Variants in LRRN3 observed in about 807,000 individuals in gnomAD.
LRRN3 encodes leucine-rich repeat neuronal protein 3.
LRRN3 carries 15 observed loss-of-function variants against 40.1 expected under a neutral mutation model. That is an observed-to-expected ratio of 0.37 (90% CI 0.25 to 0.58). The LOEUF (loss-of-function observed/expected upper bound fraction) is 0.58, where lower values mean the gene tolerates loss of function less well. LRRN3 is among the 20% of genes least tolerant of loss of function. The probability of loss-of-function intolerance (pLI) is 0.72; values close to 1 mark genes in which losing one functional copy is unlikely to be tolerated. For synonymous variants in LRRN3, 308 were observed against 297.2 expected (o/e 1.04, Z -0.37); for missense variants, 746 against 837.7 (o/e 0.89, Z 1.35).
intron 2 of LRRN3, among the ~76,000 whole-genome samples, chr7:111,102,816 G>A (rs1375628274): frequency 6.6e-6 from 1 of 151,162 alleles, no homozygotes; most frequent in East Asian, 1.9e-4. Flanking sequence ...TCTTTGCTAG[G>A]GTCATAAAAG....
intron 2 of LRRN3, among the ~76,000 whole-genome samples, chr7:111,101,296 T>C (rs139778488): frequency 1.0e-3 from 151 of 151,586 alleles, no homozygotes; most frequent in African/African-American, 3.5e-3. Context: ...TCCCTAGTCA[T>C]TGAACAGAAC....
chr7:111,096,508 T>A (rs200832404), intron 1 of LRRN3, among the ~76,000 whole-genome samples: 33 of 144,800 alleles, frequency 2.3e-4, no homozygotes, highest in Non-Finnish European at 3.5e-4. Context: ...GAGTTAAATT[T>A]AAAAAAAAAA....
chr7:111,123,750 C>T lies in LRRN3; in HGVS notation c.978C>T (p.His326=). The T allele has an allele frequency of 6.2e-7, 1 of 1,613,860 alleles. No individual in the cohort carries two copies. Among genetic ancestry groups the T allele is most frequent in the Non-Finnish European group, 8.5e-7 (1 of 1,179,926 alleles). The change falls in exon 3 of 3, where the codon CAC becomes CAT. Residue 326 remains histidine (H), a synonymous_variant. Transcript: ENST00000308478. The surrounding 1 kb of genome is among the most constrained non-coding windows in gnomAD (Gnocchi z 6.4). Reference sequence around the variant, plus strand: ...ACAACCCTAGATTGTCTTACATTCACCCCAATGCATTTTTCAGACTCCCCA... The same window carrying T: ...ACAACCCTAGATTGTCTTACATTCATCCCAATGCATTTTTCAGACTCCCCA... ...ATNNPRLSYI[H]PNAFFRLPKL... is the part of the protein sequence containing the mutation.
intron 2 of LRRN3, among the ~76,000 whole-genome samples, chr7:111,115,805 C>A (rs117821499): frequency 0.01 from 1,573 of 151,988 alleles, 16 homozygotes; most frequent in Non-Finnish European, 0.018. Context: ...GTAGCTGGGA[C>A]TAGAGATGTG....
chr7:111,091,423 T>C lies in LRRN3; in HGVS notation c.-522T>C, dbSNP rs1326749325. ...TTTATACCGGGCAAGAACACAACCA[T>C]GTGATTATCTCAACCAAGGAACTGA... On this transcript the variant is annotated 5_prime_UTR_variant, in exon 1 of 3. It removes an upstream start codon present in the reference 5' UTR. Coordinates refer to ENST00000308478, the MANE Select transcript of LRRN3 (RefSeq NM_001099658.2). The C allele has an allele frequency of 6.6e-6, 1 of 152,104 alleles. No homozygotes were observed. The highest frequency in any genetic ancestry group is 6.6e-5 in the Admixed American group (1 of 15,264). The allele number at this position is 152,104 out of a possible 1,614,324, so 9.4% of individuals were successfully genotyped here.
intron 2 of LRRN3, among the ~76,000 whole-genome samples, chr7:111,116,842 C>T (rs1002933838): frequency 6.6e-6 from 1 of 151,986 alleles, no homozygotes; most frequent in Non-Finnish European, 1.5e-5. Flanking sequence ...GAGAAGATAC[C>T]AAGGTGTGTG....
chr7:111,101,420 A>C (rs1263353112), intron 2 of LRRN3, among the ~76,000 whole-genome samples: 1 of 151,544 alleles, frequency 6.6e-6, no homozygotes, highest in Non-Finnish European at 1.5e-5. Flanking sequence ...GTATGATCTC[A>C]GAATCTGTGA....
At chr7:111,094,668 C>A (rs1442015442) in intron 1 of LRRN3, among the ~76,000 whole-genome samples, 1 of 152,152 alleles carries the variant, frequency 6.6e-6, no homozygotes, top group Non-Finnish European at 1.5e-5. Flanking sequence ...AACAACTGAA[C>A]ATAGCTCCTG....
intron 2 of LRRN3, among the ~76,000 whole-genome samples, chr7:111,106,048 T>C (rs1002679271): frequency 6.6e-6 from 1 of 151,972 alleles, no homozygotes; most frequent in African/African-American, 2.4e-5. Flanking sequence ...AACATATTTG[T>C]AATATCACAG....
intron 2 of LRRN3, among the ~76,000 whole-genome samples, chr7:111,120,849 G>C (rs1800511045): frequency 6.6e-6 from 1 of 151,734 alleles, no homozygotes; most frequent in African/African-American, 2.4e-5. Context: ...TGTCTCCTGG[G>C]AACCTGTTGA....
rs1208075986 is a variant in LRRN3 at position 111,123,172 on chromosome 7, A to G, written c.400A>G (p.Lys134Glu). 5.0e-6 allele frequency: 8 copies of G among 1,614,036 alleles called. No individual in the cohort carries two copies. The highest frequency in any genetic ancestry group is 6.8e-6 in the Non-Finnish European group (8 of 1,179,996). The change falls in exon 3 of 3, where the codon AAA becomes GAA. Residue 134 changes from lysine to glutamate, a missense_variant. Lys to Glu is a moderately conservative substitution (Grantham distance 56). Transcript: ENST00000308478. The surrounding 1 kb of genome is among the most constrained non-coding windows in gnomAD (Gnocchi z 6.4). ...EENKLTELPE[K>E]CLSELSNLQE... ...AAACAAACTTACTGAACTGCCTGAAAAATGTCTGTCCGAACTGAGCAACTT... is the reference window on the plus strand; with the variant it reads ...AAACAAACTTACTGAACTGCCTGAAGAATGTCTGTCCGAACTGAGCAACTT...
chr7:111,094,162 G>A (rs780318788), intron 1 of LRRN3, among the ~76,000 whole-genome samples: 3 of 152,100 alleles, frequency 2.0e-5, no homozygotes, highest in Non-Finnish European at 4.4e-5. Flanking sequence ...TTTTTGGGGT[G>A]TAACATTCCT....
At chr7:111,109,941 C>T (rs182019415) in intron 2 of LRRN3, among the ~76,000 whole-genome samples, 1 of 152,204 alleles carries the variant, frequency 6.6e-6, no homozygotes, top group Admixed American at 6.5e-5. Flanking sequence ...CAAGACCGGC[C>T]TGATCAATAT....
At chr7:111,111,940 TTG>T (rs1274214334) in intron 2 of LRRN3, among the ~76,000 whole-genome samples, 13 of 137,032 alleles carry the variant, frequency 9.5e-5, no homozygotes, top group African/African-American at 3.6e-4. Context: ...TATATATAGT[TTG>T]TTTTTTTTTT....
In LRRN3 at chr7:111,124,237, A is replaced by G. The variant is rs756065495; in HGVS notation, c.1465A>G (p.Lys489Glu). ...GTLDINGVTP[K>E]EGGLYTCIAT... ...ACTAGATATAAATGGCGTAACTCCC[A>G]AAGAAGGGGGTTTATATACTTGTAT... is the stretch of plus-strand genomic sequence containing the variant. The change falls in exon 3 of 3, where the codon AAA becomes GAA. Residue 489 changes from lysine to glutamate, a missense_variant. Lys to Glu is a moderately conservative substitution (Grantham distance 56). Coordinates refer to ENST00000308478, the MANE Select transcript of LRRN3 (RefSeq NM_001099658.2). 10 of 1,613,878 alleles carry G rather than the reference A, an allele frequency of 6.2e-6. No homozygotes were observed. Among genetic ancestry groups the G allele is most frequent in the Non-Finnish European group, 8.5e-6 (10 of 1,179,982 alleles).
chr7:111,115,428 A>T (rs1357439431), intron 2 of LRRN3, among the ~76,000 whole-genome samples: 1 of 152,132 alleles, frequency 6.6e-6, no homozygotes, highest in East Asian at 1.9e-4. Context: ...TTCATAAAAA[A>T]TGACAGTATC....
At chr7:111,114,064 T>C (rs990500971) in intron 2 of LRRN3, among the ~76,000 whole-genome samples, 5 of 152,008 alleles carry the variant, frequency 3.3e-5, no homozygotes, top group Admixed American at 6.6e-5. Context: ...AATGCATAAA[T>C]TTAGTCAGTC....
At chr7:111,096,126 T>G (rs1429126460) in intron 1 of LRRN3, among the ~76,000 whole-genome samples, 1 of 152,018 alleles carries the variant, frequency 6.6e-6, no homozygotes, top group East Asian at 1.9e-4. Flanking sequence ...TGTTTAAAGC[T>G]CTACCATTTA....
intron 1 of LRRN3, among the ~76,000 whole-genome samples, chr7:111,093,166 T>G (rs1309336700): frequency 6.6e-6 from 1 of 152,170 alleles, no homozygotes; most frequent in Non-Finnish European, 1.5e-5. Context: ...TTTCTCTCTG[T>G]AAGATGAACA....
Sources: gnomAD v4.1 joint callset for allele counts (sites outside exome capture counted in the v4.1 genomes callset) on GRCh38, gnomAD v4.1.1 for gene constraint, Gnocchi (gnomAD v3.1) non-coding constraint, MANE v1.5 for transcripts, NCBI Gene and HGNC (gene_info 2026-07-23, HGNC 2026-07-21) for gene names.